Variants in OR10A4 observed in about 807,000 individuals in gnomAD.
OR10A4 encodes olfactory receptor 10A4.
Under a neutral mutation model 15.4 loss-of-function variants are expected in OR10A4, and 18 were observed. The observed-to-expected ratio is 1.17, with a 90% CI of 0.81 to 1.74. OR10A4 has a LOEUF of 1.74. Ranked by LOEUF, OR10A4 falls within the 40% of genes most tolerant of loss-of-function variation. The probability of loss-of-function intolerance (pLI) is 0.00; values close to 1 mark genes in which losing one functional copy is unlikely to be tolerated. For synonymous variants in OR10A4, 161 were observed against 149.5 expected, an observed-to-expected ratio of 1.08 and a Z score of -0.56; for missense variants, 455 against 372.3, an observed-to-expected ratio of 1.22 and a Z score of -1.83.
rs775961753 is a variant in OR10A4, at chr11:6,876,829, A to ACTT, written c.187_189dup (p.Phe63dup). 4.1e-5 allele frequency: 66 copies of ACTT among 1,614,088 alleles called. No individual in the cohort carries two copies. The highest frequency in any genetic ancestry group is 5.1e-5 in the Non-Finnish European group (60 of 1,180,036). On this transcript the variant is annotated inframe_insertion, in exon 1 of 1. Coordinates refer to ENST00000379829, the MANE Select transcript of OR10A4 (RefSeq NM_207186.2). The stretch of plus-strand genomic sequence containing the variant: ...GACTCTGCACTACAAAGTCCTATGT[A>ACTT]CTTCTTCCTCAGAAACTTGTCCTTC...
rs1156251859 is a variant in OR10A4, at chr11:6,877,459, G to A, written c.812G>A (p.Ser271Asn). ...CCCCAATCCAGTGCCTCTTCTGAGAGCAAGAAGCTGCTGTCACTCTCTTCC... is the reference window on the plus strand; with the variant it reads ...CCCCAATCCAGTGCCTCTTCTGAGAACAAGAAGCTGCTGTCACTCTCTTCC... ...FRPQSSASSE[S>N]KKLLSLSSTV... is the part of the protein sequence containing the mutation. Residue 271 changes from serine (S) to asparagine (N), a missense_variant, in exon 1 of 1, where the codon AGC becomes AAC. Physicochemically the swap from Ser to Asn is conservative, Grantham distance 46. Transcript: ENST00000379829. 2 of 1,613,948 alleles carry A rather than the reference G, an allele frequency of 1.2e-6. No individual in the cohort carries two copies. Among genetic ancestry groups the A allele is most frequent in the Admixed American group, 1.7e-5 (1 of 59,986 alleles).
rs1219808224 is a variant in OR10A4, at chr11:6,877,156, G to C, written c.509G>C (p.Cys170Ser). ...QTTWIFSFPFCGPNRVNHFFC... is the reference protein window; with the variant it reads ...QTTWIFSFPFSGPNRVNHFFC... ...ACATGGATTTTCAGTTTCCCTTTTT[G>C]TGGCCCCAACAGGGTGAACCACTTC... is the stretch of plus-strand genomic sequence containing the variant. The change falls in exon 1 of 1, where the codon TGT (cysteine) becomes TCT (serine). Residue 170 changes from cysteine to serine, a missense_variant. Transcript: ENST00000379829. 6.2e-7 allele frequency: 1 copy of C among 1,614,024 alleles called. No homozygotes were observed. Among genetic ancestry groups the C allele is most frequent in the African/African-American group, 1.3e-5 (1 of 74,898 alleles).
At position 6,877,010 on chromosome 11, in the gene OR10A4, T is replaced by C. The variant is rs1042459622; in HGVS notation, c.363T>C (p.Tyr121=). The C allele has an allele frequency of 1.9e-6, 3 of 1,614,110 alleles. No individual in the cohort carries two copies. The African/African-American group carries it at 4.0e-5, about 22-fold the overall frequency. The part of the protein sequence containing the change: ...AECCLLATMA[Y]DRYVAICDPL... The stretch of plus-strand genomic sequence containing the variant: ...GCTGCCTCCTGGCCACCATGGCATA[T>C]GACCGCTACGTGGCCATCTGTGACC... Residue 121 remains tyrosine, a synonymous_variant, in exon 1 of 1, where the codon TAT becomes TAC. Coordinates refer to ENST00000379829, the MANE Select transcript of OR10A4 (RefSeq NM_207186.2).
chr11:6,877,423 C>G lies in OR10A4; in HGVS notation c.776C>G (p.Thr259Arg), dbSNP rs181623241. 2.5e-6 allele frequency: 4 copies of G among 1,614,122 alleles called. No homozygotes were observed. The highest frequency in any genetic ancestry group is 1.1e-5 in the South Asian group (1 of 91,078). Residue 259 changes from threonine (T) to arginine (R), a missense_variant, in exon 1 of 1, where the codon ACG (threonine) becomes AGG (arginine). Transcript: ENST00000379829. ...CTCTTCTATAGCACTGCCATCCTCA[C>G]GTATTTCCGACCCCAATCCAGTGCC... ...VSLFYSTAIL[T>R]YFRPQSSASS...
In OR10A4 at chr11:6,877,470, C is replaced by A; in HGVS notation, c.823C>A (p.Leu275Met). The A allele has an allele frequency of 6.2e-7, 1 of 1,614,014 alleles. No homozygotes were observed. Residue 275 changes from leucine (L) to methionine (M), a missense_variant, in exon 1 of 1, where the codon CTG becomes ATG. Physicochemically the swap from Leu to Met is conservative, Grantham distance 15 (BLOSUM62 2). Transcript: ENST00000379829. Reference protein sequence around the residue: ...SSASSESKKLLSLSSTVVTPM... With the variant: ...SSASSESKKLMSLSSTVVTPM... ...TGCCTCTTCTGAGAGCAAGAAGCTGCTGTCACTCTCTTCCACAGTGGTGAC... is the reference window on the plus strand; with the variant it reads ...TGCCTCTTCTGAGAGCAAGAAGCTGATGTCACTCTCTTCCACAGTGGTGAC...
chr11:6,877,303 A>AT lies in OR10A4; in HGVS notation c.657dup (p.Val220CysfsTer14). 1 of 1,614,098 alleles carries AT rather than the reference A, an allele frequency of 6.2e-7. No homozygotes were observed. Among genetic ancestry groups the AT allele is most frequent in the Non-Finnish European group, 8.5e-7 (1 of 1,180,016 alleles). ...CCTTTCTTGCTGATCCTGGGATCCT[A>AT]TGTCCGCATCCTCTCCACTATCTTC... On this transcript the variant is annotated frameshift_variant, in exon 1 of 1. Coordinates refer to ENST00000379829, the MANE Select transcript of OR10A4 (RefSeq NM_207186.2). LOFTEE classifies it high-confidence loss of function.
rs756454848 is a variant in OR10A4, at chr11:6,876,915, G to A, written c.268G>A (p.Asp90Asn). The A allele has an allele frequency of 1.1e-5, 18 of 1,614,178 alleles. No individual in the cohort carries two copies. The highest frequency in any genetic ancestry group is 1.4e-5 in the Non-Finnish European group (17 of 1,180,036). Residue 90 changes from aspartate (D) to asparagine (N), a missense_variant, in exon 1 of 1, where the codon GAC becomes AAC. Asp to Asn is a conservative substitution (Grantham distance 23). Coordinates refer to ENST00000379829, the MANE Select transcript of OR10A4 (RefSeq NM_207186.2). ...GATGCTGGGGACCCTGATCATTCAA[G>A]ACACAACCATCTCCTTCCTTGGATG... ...PKMLGTLIIQ[D>N]TTISFLGCAT...
In OR10A4 at chr11:6,877,548, G is replaced by A; in HGVS notation, c.901G>A (p.Ala301Thr). 1 of 1,614,094 alleles carries A rather than the reference G, an allele frequency of 6.2e-7. No individual in the cohort carries two copies. Among genetic ancestry groups the A allele is most frequent in the African/African-American group, 1.3e-5 (1 of 75,030 alleles). Reference protein sequence around the residue: ...YSSRNKEVKAALKRLIHRTLG... With the variant: ...YSSRNKEVKATLKRLIHRTLG... ...CTCAAGGAATAAAGAAGTGAAGGCTGCACTGAAGCGGCTTATCCACAGGAC... is the reference window on the plus strand; with the variant it reads ...CTCAAGGAATAAAGAAGTGAAGGCTACACTGAAGCGGCTTATCCACAGGAC... The change falls in exon 1 of 1, where the codon GCA (alanine) becomes ACA (threonine). Residue 301 changes from alanine to threonine, a missense_variant. Ala to Thr is a moderately conservative substitution (Grantham distance 58). Coordinates refer to ENST00000379829, the MANE Select transcript of OR10A4 (RefSeq NM_207186.2).
In OR10A4 at chr11:6,877,036, C is replaced by A; in HGVS notation, c.389C>A (p.Pro130His). Reference protein sequence around the residue: ...AYDRYVAICDPLHYPVIMGHI... With the variant: ...AYDRYVAICDHLHYPVIMGHI... ...GACCGCTACGTGGCCATCTGTGACC[C>A]CTTGCACTACCCAGTCATCATGGGC... The change falls in exon 1 of 1, where the codon CCC becomes CAC. Residue 130 changes from proline to histidine, a missense_variant. Pro to His is a moderately conservative substitution (Grantham distance 77, BLOSUM62 -2). Transcript: ENST00000379829. 5 of 1,614,224 alleles carry A rather than the reference C, an allele frequency of 3.1e-6. No homozygotes were observed. Among genetic ancestry groups the A allele is most frequent in the Non-Finnish European group, 2.5e-6 (3 of 1,180,026 alleles).
rs1332071494 is a variant in OR10A4 at position 6,876,833 on chromosome 11, C to T, written c.186C>T (p.Phe62=). ...CTGCACTACAAAGTCCTATGTACTT[C>T]TTCCTCAGAAACTTGTCCTTCCTGG... ...ADSALQSPMY[F]FLRNLSFLEI... is the part of the protein sequence containing the mutation. Residue 62 remains phenylalanine, a synonymous_variant, in exon 1 of 1, where the codon TTC becomes TTT. Transcript: ENST00000379829. The T allele has an allele frequency of 2.5e-6, 4 of 1,614,106 alleles. No individual in the cohort carries two copies. Among genetic ancestry groups the T allele is most frequent in the Non-Finnish European group, 3.4e-6 (4 of 1,180,032 alleles).
Position 6,877,138 on chromosome 11 carries a change from T to C in OR10A4, c.491T>C (p.Ile164Thr). The C allele has an allele frequency of 6.2e-7, 1 of 1,614,178 alleles. No individual in the cohort carries two copies. The highest frequency in any genetic ancestry group is 1.1e-5 in the South Asian group (1 of 91,080). Reference sequence around the variant, plus strand: ...GTGGCCACTGTGCAAACCACATGGATTTTCAGTTTCCCTTTTTGTGGCCCC... The same window carrying C: ...GTGGCCACTGTGCAAACCACATGGACTTTCAGTTTCCCTTTTTGTGGCCCC... Reference protein sequence around the residue: ...FSVATVQTTWIFSFPFCGPNR... With the variant: ...FSVATVQTTWTFSFPFCGPNR... The change falls in exon 1 of 1, where the codon ATT becomes ACT. Residue 164 changes from isoleucine (I) to threonine (T), a missense_variant. By Grantham distance (89) the Ile-to-Thr change is moderately conservative. Coordinates refer to ENST00000379829, the MANE Select transcript of OR10A4 (RefSeq NM_207186.2).
Position 6,877,112 on chromosome 11 carries a change from A to T in OR10A4, c.465A>T (p.Ser155=). ...LAAASWFSGF[S]VATVQTTWIF... Reference sequence around the variant, plus strand: ...CTGCCTCTTGGTTCTCAGGGTTTTCAGTGGCCACTGTGCAAACCACATGGA... The same window carrying T: ...CTGCCTCTTGGTTCTCAGGGTTTTCTGTGGCCACTGTGCAAACCACATGGA... Residue 155 remains serine (S), a synonymous_variant, in exon 1 of 1, where the codon TCA becomes TCT. Transcript: ENST00000379829. 1.9e-6 allele frequency: 3 copies of T among 1,614,144 alleles called. No homozygotes were observed. Among genetic ancestry groups the T allele is most frequent in the Non-Finnish European group, 2.5e-6 (3 of 1,180,024 alleles).
Position 6,876,993 on chromosome 11 carries a change from C to T in OR10A4, c.346C>T (p.Leu116=), listed in dbSNP as rs374975197. 26 of 1,614,096 alleles carry T rather than the reference C, an allele frequency of 1.6e-5. No individual in the cohort carries two copies. The highest frequency in any genetic ancestry group is 2.1e-5 in the Non-Finnish European group (25 of 1,180,028). ...TTTTGGGGCTGCTGAGTGCTGCCTC[C>T]TGGCCACCATGGCATATGACCGCTA... The part of the protein sequence containing the change: ...FFFGAAECCL[L]ATMAYDRYVA... The change falls in exon 1 of 1, where the codon CTG becomes TTG. Residue 116 remains leucine (L), a synonymous_variant. Coordinates refer to ENST00000379829, the MANE Select transcript of OR10A4 (RefSeq NM_207186.2).
rs1848494119 is a variant in OR10A4 at position 6,877,064 on chromosome 11, C to T, written c.417C>T (p.His139=). 1.1e-5 allele frequency: 18 copies of T among 1,614,210 alleles called. No individual in the cohort carries two copies. In the East Asian group the frequency reaches 3.8e-4, roughly 34 times the overall value. ...DPLHYPVIMG[H]ISCAQLAAAS... Reference sequence around the variant, plus strand: ...TGCACTACCCAGTCATCATGGGCCACATATCCTGTGCCCAGCTGGCAGCTG... The same window carrying T: ...TGCACTACCCAGTCATCATGGGCCATATATCCTGTGCCCAGCTGGCAGCTG... Residue 139 remains histidine (H), a synonymous_variant, in exon 1 of 1, where the codon CAC becomes CAT. Transcript: ENST00000379829.
chr11:6,876,628 G>C lies in OR10A4; in HGVS notation c.-20G>C. On this transcript the variant is annotated 5_prime_UTR_variant, in exon 1 of 1. Transcript: ENST00000379829. ...TACCTTCCTAGATTTTGAATGCCCA[G>C]TGAAGTCCTGGGCAGAAGAATGATG... The C allele has an allele frequency of 6.6e-7, 1 of 1,521,652 alleles. No homozygotes were observed. Among genetic ancestry groups the C allele is most frequent in the Non-Finnish European group, 9.0e-7 (1 of 1,109,060 alleles). The allele number at this position is 1,521,652 out of a possible 1,614,324, so 94.3% of individuals were successfully genotyped here.
In OR10A4 at chr11:6,877,019, C is replaced by A. The variant is rs141771017; in HGVS notation, c.372C>A (p.Tyr124Ter). The A allele has an allele frequency of 1.1e-5, 18 of 1,614,100 alleles. No individual in the cohort carries two copies. The East Asian group carries it at 3.3e-4, about 30-fold the overall frequency. Residue 124 changes from tyrosine (Y) to a stop codon, truncating the protein, a stop_gained, in exon 1 of 1, where the codon TAC (tyrosine) becomes TAA (stop). Coordinates refer to ENST00000379829, the MANE Select transcript of OR10A4 (RefSeq NM_207186.2). LOFTEE classifies it high-confidence loss of function. ...TGGCCACCATGGCATATGACCGCTACGTGGCCATCTGTGACCCCTTGCACT... is the reference window on the plus strand; with the variant it reads ...TGGCCACCATGGCATATGACCGCTAAGTGGCCATCTGTGACCCCTTGCACT... Reference protein sequence around the residue: ...CLLATMAYDRYVAICDPLHYP... With the variant: ...CLLATMAYDR
rs2133074268 is a variant in OR10A4, at chr11:6,876,874, T to G, written c.227T>G (p.Leu76Trp). The G allele has an allele frequency of 6.2e-7, 1 of 1,614,208 alleles. No homozygotes were observed. The highest frequency in any genetic ancestry group is 2.2e-5 in the East Asian group (1 of 44,878). The change falls in exon 1 of 1, where the codon TTG becomes TGG. Residue 76 changes from leucine to tryptophan, a missense_variant. By Grantham distance (61) the Leu-to-Trp change is moderately conservative (BLOSUM62 -2). Transcript: ENST00000379829. ...NLSFLEIGFN[L>W]VIVPKMLGTL... ...TCCTTCCTGGAGATAGGTTTCAACT[T>G]GGTCATTGTGCCCAAGATGCTGGGG...
In OR10A4 at chr11:6,877,479, T is replaced by C; in HGVS notation, c.832T>C (p.Ser278Pro). The change falls in exon 1 of 1, where the codon TCT becomes CCT. Residue 278 changes from serine to proline, a missense_variant. Coordinates refer to ENST00000379829, the MANE Select transcript of OR10A4 (RefSeq NM_207186.2). ...TGAGAGCAAGAAGCTGCTGTCACTC[T>C]CTTCCACAGTGGTGACTCCCATGTT... ...SSESKKLLSL[S>P]STVVTPMLNP... 1 of 1,613,930 alleles carries C rather than the reference T, an allele frequency of 6.2e-7. No homozygotes were observed. The highest frequency in any genetic ancestry group is 8.5e-7 in the Non-Finnish European group (1 of 1,179,826).
rs761702164 is a variant in OR10A4 at position 6,876,700 on chromosome 11, C to T, written c.53C>T (p.Ser18Leu). 2.4e-5 allele frequency: 39 copies of T among 1,613,966 alleles called. No individual in the cohort carries two copies. Among genetic ancestry groups the T allele is most frequent in the Non-Finnish European group, 3.3e-5 (39 of 1,179,966 alleles). The stretch of plus-strand genomic sequence containing the variant: ...AGTGAATTTGTTCTCGTGAGCTTCT[C>T]AGCCCTGTCCACTGAGCTTCAGGCT... ...IVSEFVLVSFSALSTELQALL... is the reference protein window; with the variant it reads ...IVSEFVLVSFLALSTELQALL... Residue 18 changes from serine to leucine, a missense_variant, in exon 1 of 1, where the codon TCA becomes TTA. Coordinates refer to ENST00000379829, the MANE Select transcript of OR10A4 (RefSeq NM_207186.2).
Sources: gnomAD v4.1 joint callset for allele counts on GRCh38, gnomAD v4.1.1 for gene constraint, MANE v1.5 for transcripts, NCBI Gene and HGNC (gene_info 2026-07-23, HGNC 2026-07-21) for gene names.